The following SLC9D1 variants were observed in gnomAD, a reference collection of about 807,000 sequenced individuals.
The protein encoded by SLC9D1 is putative LAG1-interacting protein.
At chr13:113,498,575 A>C in the SLC9D1 span, 10 of 1,373,426 alleles carry the variant, frequency 7.3e-6, no homozygotes, top group South Asian at 1.4e-4. Flanking sequence ...CACTAATCAG[A>C]AGACATGTTG....
At chr13:113,510,112 C>G in the SLC9D1 span, 1 of 826,714 alleles carries the variant, frequency 1.2e-6, no homozygotes, top group Non-Finnish European at 2.0e-6. Flanking sequence ...GATGGTGACC[C>G]CAGCGTTGCT....
the SLC9D1 span, among the ~76,000 whole-genome samples, chr13:113,537,928 G>C: frequency 6.6e-6 from 1 of 152,064 alleles, no homozygotes; most frequent in African/African-American, 2.4e-5. Flanking sequence ...TGTTCTTTGT[G>C]CATGGCATGT....
chr13:113,537,475 G>C, the SLC9D1 span, among the ~76,000 whole-genome samples: 1 of 152,214 alleles, frequency 6.6e-6, no homozygotes, highest in African/African-American at 2.4e-5. Context: ...CCAGCACTTC[G>C]CCCCTTTTTA....
At chr13:113,501,864 G>T in the SLC9D1 span, 1 of 1,610,712 alleles carries the variant, frequency 6.2e-7, no homozygotes, top group Non-Finnish European at 8.5e-7. Flanking sequence ...GGACCTTCAG[G>T]ACTAAATAGT....
the SLC9D1 span, chr13:113,548,226 T>C: frequency 1.9e-6 from 3 of 1,539,008 alleles, no homozygotes; most frequent in South Asian, 2.3e-5. Context: ...GTGGCTCGTC[T>C]GGGTTCTCTG....
chr13:113,493,680 T>C, the SLC9D1 span, among the ~76,000 whole-genome samples: 24 of 152,254 alleles, frequency 1.6e-4, no homozygotes, highest in Admixed American at 1.6e-3. Flanking sequence ...AAGTGAATTC[T>C]CTGTGGAGTG....
At chr13:113,547,020 CTG>C in the SLC9D1 span, 6 of 423,250 alleles carry the variant, frequency 1.4e-5, no homozygotes, top group Middle Eastern at 6.5e-4. Context: ...AGTGCCGCCT[CTG>C]TGTGTTTTGC....
the SLC9D1 span, among the ~76,000 whole-genome samples, chr13:113,517,181 G>A: frequency 6.6e-6 from 1 of 152,222 alleles, no homozygotes; most frequent in Non-Finnish European, 1.5e-5. Context: ...TTGTGAAAAT[G>A]CAAGCGAGGG....
At chr13:113,548,500 A>C in the SLC9D1 span, 1 of 1,564,918 alleles carries the variant, frequency 6.4e-7, no homozygotes, top group Non-Finnish European at 8.6e-7. Context: ...CACGGGCTGC[A>C]CTCTGGGTTT....
the SLC9D1 span, among the ~76,000 whole-genome samples, chr13:113,509,194 G>A: frequency 7.5e-6 from 1 of 134,154 alleles, no homozygotes; most frequent in Non-Finnish European, 1.6e-5. Context: ...GGTCCCCCCT[G>A]GAGCTGCCTG....
At chr13:113,524,507 GT>G in the SLC9D1 span, among the ~76,000 whole-genome samples, 1 of 151,926 alleles carries the variant, frequency 6.6e-6, no homozygotes, top group East Asian at 1.9e-4. Flanking sequence ...GCTAATTTTT[GT>G]ATTTTTTAGT....
the SLC9D1 span, among the ~76,000 whole-genome samples, chr13:113,537,407 C>T: frequency 1.3e-5 from 2 of 152,322 alleles, no homozygotes; most frequent in South Asian, 2.1e-4. Flanking sequence ...TGGCGGCTTC[C>T]GTGTCTGGCT....
chr13:113,517,441 G>C, the SLC9D1 span, among the ~76,000 whole-genome samples: 1 of 152,086 alleles, frequency 6.6e-6, no homozygotes, highest in Non-Finnish European at 1.5e-5. Context: ...TGTTAGCCAG[G>C]ATGGTCTCGA....
At chr13:113,495,957 A>C in the SLC9D1 span, 1 of 1,613,944 alleles carries the variant, frequency 6.2e-7, no homozygotes, top group Non-Finnish European at 8.5e-7. Flanking sequence ...GGGGGATTAC[A>C]AAGATGTCGT....
the SLC9D1 span, among the ~76,000 whole-genome samples, chr13:113,524,953 C>T: frequency 2.0e-5 from 3 of 152,080 alleles, no homozygotes; most frequent in Non-Finnish European, 4.4e-5. Flanking sequence ...TTTTCTTTTA[C>T]ATCTCTGTGG....
chr13:113,541,250 G>A, the SLC9D1 span, among the ~76,000 whole-genome samples: 1 of 151,766 alleles, frequency 6.6e-6, no homozygotes, highest in Admixed American at 6.6e-5. Context: ...TCACTGCCAT[G>A]CTTTATTACC....
chr13:113,526,241 A>C, the SLC9D1 span, among the ~76,000 whole-genome samples: 2 of 152,232 alleles, frequency 1.3e-5, no homozygotes, highest in African/African-American at 4.8e-5. Context: ...AAAAAAATTA[A>C]AATAGAAAAA....
At chr13:113,494,770 A>G in the SLC9D1 span, among the ~76,000 whole-genome samples, 1 of 152,316 alleles carries the variant, frequency 6.6e-6, no homozygotes, top group East Asian at 1.9e-4. Flanking sequence ...AGCTAACAGT[A>G]GCTCAGAAGA....
the SLC9D1 span, among the ~76,000 whole-genome samples, chr13:113,540,206 T>C: frequency 6.6e-6 from 1 of 152,036 alleles, no homozygotes; most frequent in Non-Finnish European, 1.5e-5. Context: ...AACGTGTGAG[T>C]GCGTGTGTCT....
Sources: gnomAD v4.1 joint callset for allele counts (sites outside exome capture counted in the v4.1 genomes callset) on GRCh38, gnomAD v4.1.1 for gene constraint, MANE v1.5 for transcripts, NCBI Gene and HGNC (gene_info 2026-07-23, HGNC 2026-07-21) for gene names.